The following TMEM108 variants were observed in gnomAD, a reference collection of about 807,000 sequenced individuals.
TMEM108 encodes cancer/testis antigen 124.
TMEM108 carries 12 observed loss-of-function variants against 35.1 expected under a neutral mutation model. The observed-to-expected ratio is 0.34, with a 90% CI of 0.22 to 0.55. The LOEUF is 0.55. Among genes scored for constraint, TMEM108 ranks in the 20% least tolerant of loss-of-function variants. TMEM108 has a pLI of 0.89. For synonymous variants in TMEM108, 287 were observed against 308.6 expected, an observed-to-expected ratio of 0.93 and a Z score of 0.73; for missense variants, 680 against 753.3, an observed-to-expected ratio of 0.90 and a Z score of 1.14.
chr3:133,366,847 C>T (rs543490658), intron 3 of TMEM108, among the ~76,000 whole-genome samples: 1 of 152,294 alleles, frequency 6.6e-6, no homozygotes, highest in East Asian at 1.9e-4. Flanking sequence ...CCCTTGTTGA[C>T]TTCAGTAGTG....
At chr3:133,269,483 A>T (rs1002624634) in intron 3 of TMEM108, among the ~76,000 whole-genome samples, 6 of 152,180 alleles carry the variant, frequency 3.9e-5, no homozygotes, top group Non-Finnish European at 5.9e-5. Context: ...TAAACTCATC[A>T]AGGAGCACTG....
intron 2 of TMEM108, among the ~76,000 whole-genome samples, chr3:133,115,665 A>G (rs1944279308): frequency 6.6e-6 from 1 of 152,256 alleles, no homozygotes; most frequent in African/African-American, 2.4e-5. Flanking sequence ...TTTGTTATGC[A>G]TTAAAGAGAA....
At chr3:133,388,728 A>T (rs927703274) in intron 4 of TMEM108, 2 of 985,332 alleles carry the variant, frequency 2.0e-6, no homozygotes, top group African/African-American at 3.5e-5. Flanking sequence ...GAGGCCAGCA[A>T]GGCTGGCAGC....
intron 3 of TMEM108, among the ~76,000 whole-genome samples, chr3:133,305,438 G>T (rs569228663): frequency 6.6e-6 from 1 of 151,484 alleles, no homozygotes; most frequent in African/African-American, 2.4e-5. Context: ...TGGGTGCAGC[G>T]CACCAGCATG....
chr3:133,167,823 C>T (rs1271421965), intron 2 of TMEM108, among the ~76,000 whole-genome samples: 1 of 152,200 alleles, frequency 6.6e-6, no homozygotes, highest in East Asian at 1.9e-4. Flanking sequence ...CCTCAGCCAG[C>T]ACAGAGAGGG....
intron 2 of TMEM108, among the ~76,000 whole-genome samples, chr3:133,148,553 C>T (rs1370468626): frequency 6.6e-6 from 1 of 152,098 alleles, no homozygotes; most frequent in East Asian, 1.9e-4. Context: ...GGAAAAAGTC[C>T]AAGATTTCAC....
intron 3 of TMEM108, among the ~76,000 whole-genome samples, chr3:133,352,442 G>T (rs2072031509): frequency 6.6e-6 from 1 of 152,062 alleles, no homozygotes; most frequent in Non-Finnish European, 1.5e-5. Context: ...TGTCTACCTG[G>T]CAATAGCATG....
At chr3:133,222,735 G>A (rs954507500) in intron 2 of TMEM108, among the ~76,000 whole-genome samples, 1 of 151,660 alleles carries the variant, frequency 6.6e-6, no homozygotes, top group Non-Finnish European at 1.5e-5. Context: ...TTGTTTTCTT[G>A]TTTTTAAATA....
At chr3:133,159,664 G>A (rs1328695332) in intron 2 of TMEM108, among the ~76,000 whole-genome samples, 1 of 152,198 alleles carries the variant, frequency 6.6e-6, no homozygotes, top group Non-Finnish European at 1.5e-5. Context: ...AGCGGATATT[G>A]TTGTTATCTG....
intron 5 of TMEM108, 99 bp downstream of exon 5, chr3:133,390,433 A>G: frequency 1.5e-6 from 2 of 1,343,404 alleles, no homozygotes; most frequent in East Asian, 2.3e-5. Context: ...TCCTTAACGT[A>G]TGGCCCATGG....
At chr3:133,113,656 A>G (rs1263998657) in intron 2 of TMEM108, among the ~76,000 whole-genome samples, 1 of 152,184 alleles carries the variant, frequency 6.6e-6, no homozygotes, top group Non-Finnish European at 1.5e-5. Context: ...TCAAGATGAC[A>G]TGTCCTCACC....
chr3:133,140,535 T>C (rs1420830158), intron 2 of TMEM108, among the ~76,000 whole-genome samples: 1 of 152,164 alleles, frequency 6.6e-6, no homozygotes, highest in African/African-American at 2.4e-5. Context: ...CTGGATAATA[T>C]TTTACTTCAA....
intron 2 of TMEM108, among the ~76,000 whole-genome samples, chr3:133,078,164 C>CGT (rs1459700794): frequency 3.3e-5 from 1 of 30,488 alleles, no homozygotes; most frequent in Admixed American, 3.4e-4. Flanking sequence ...TGTGTGCACG[C>CGT]GCGCGCGCGC....
At chr3:133,302,279 G>A (rs530035766) in intron 3 of TMEM108, among the ~76,000 whole-genome samples, 29 of 152,202 alleles carry the variant, frequency 1.9e-4, no homozygotes, top group Non-Finnish European at 1.3e-4. Flanking sequence ...GCGCGTGCAC[G>A]GGTGTGCACA....
chr3:133,237,321 G>C (rs1946253033), intron 3 of TMEM108, among the ~76,000 whole-genome samples: 1 of 152,168 alleles, frequency 6.6e-6, no homozygotes, highest in South Asian at 2.1e-4. Context: ...AGCAATACTA[G>C]CTCCTGTTGA....
rs146164732 is a variant in TMEM108, at chr3:133,180,495, T to C, written c.-46-48771T>C. On this transcript the variant is annotated intron_variant, in intron 2 of 5. Coordinates refer to ENST00000321871, the MANE Select transcript of TMEM108 (RefSeq NM_023943.4). ...ATTTTTGTTTTTAGCATTCTAGTCT[T>C]AAATACTAGATTAGAATTTAGTTCA... 1.1e-3 allele frequency among the ~76,000 whole-genome samples: 172 copies of C among 152,288 alleles called. 2 individuals carry two copies. The highest frequency in any genetic ancestry group is 7.5e-3 in the East Asian group (39 of 5,184).
chr3:133,366,951 T>G (rs983320166), intron 3 of TMEM108, among the ~76,000 whole-genome samples: 1 of 152,204 alleles, frequency 6.6e-6, no homozygotes, highest in East Asian at 1.9e-4. Flanking sequence ...AGGAGTCCAG[T>G]GGTGATGAGC....
chr3:133,241,437 C>G (rs1946311179), intron 3 of TMEM108, among the ~76,000 whole-genome samples: 1 of 152,202 alleles, frequency 6.6e-6, no homozygotes, highest in Non-Finnish European at 1.5e-5. Context: ...AATCAATTAT[C>G]TGCTGCAAGC....
chr3:133,353,872 G>A (rs2072081086), intron 3 of TMEM108, among the ~76,000 whole-genome samples: 1 of 152,190 alleles, frequency 6.6e-6, no homozygotes, highest in Admixed American at 6.5e-5. Context: ...ATTTGCCCAA[G>A]CTTTGCTTTA....
Sources: gnomAD v4.1 joint callset for allele counts (sites outside exome capture counted in the v4.1 genomes callset) on GRCh38, gnomAD v4.1.1 for gene constraint, MANE v1.5 for transcripts, NCBI Gene and HGNC (gene_info 2026-07-23, HGNC 2026-07-21) for gene names.